RNF180: variants seen among roughly 807,000 people sequenced by gnomAD.
The protein encoded by RNF180 is E3 ubiquitin-protein ligase RNF180.
Under a neutral mutation model 59.2 loss-of-function variants are expected in RNF180, and 38 were observed. That is an observed-to-expected ratio of 0.64 (90% CI 0.50 to 0.84). The LOEUF (loss-of-function observed/expected upper bound fraction) is 0.84, where lower values mean the gene tolerates loss of function less well. Among genes scored for constraint, RNF180 ranks in the 40% least tolerant of loss-of-function variants. The probability of loss-of-function intolerance (pLI) is 0.00; values close to 1 mark genes in which losing one functional copy is unlikely to be tolerated. For missense variants in RNF180, 705 were observed against 700.9 expected, an observed-to-expected ratio of 1.01 and a Z score of -0.07; for synonymous variants, 262 against 240.3, an observed-to-expected ratio of 1.09 and a Z score of -0.84.
At chr5:64,249,662 GC>G (rs1159496037) in intron 5 of RNF180, among the ~76,000 whole-genome samples, 1 of 152,102 alleles carries the variant, frequency 6.6e-6, no homozygotes, top group Non-Finnish European at 1.5e-5. Flanking sequence ...CCAAAAGTGA[GC>G]AGGAGTAGCT....
chr5:64,188,203 G>A (rs191691675), intron 1 of RNF180, among the ~76,000 whole-genome samples: 168 of 152,162 alleles, frequency 1.1e-3, no homozygotes, highest in African/African-American at 4.0e-3. Flanking sequence ...AGCAGTTGTG[G>A]GTTACTGTTG....
chr5:64,187,186 C>T (rs1320648750), intron 1 of RNF180, among the ~76,000 whole-genome samples: 1 of 152,064 alleles, frequency 6.6e-6, no homozygotes, highest in Non-Finnish European at 1.5e-5. Context: ...AGTCAGTTTA[C>T]AAGAATAAAG....
intron 1 of RNF180, among the ~76,000 whole-genome samples, chr5:64,175,505 A>G (rs1332851449): frequency 6.6e-6 from 1 of 152,074 alleles, no homozygotes; most frequent in Non-Finnish European, 1.5e-5. Context: ...GTACCATACC[A>G]TTTTGATTAC....
chr5:64,193,972 G>A (rs1274399849), intron 1 of RNF180, among the ~76,000 whole-genome samples: 1 of 152,074 alleles, frequency 6.6e-6, no homozygotes, highest in African/African-American at 2.4e-5. Context: ...AGGAAAAGAG[G>A]GAAAGGAAGA....
chr5:64,185,117 C>G (rs1750806746), intron 1 of RNF180, among the ~76,000 whole-genome samples: 1 of 152,194 alleles, frequency 6.6e-6, no homozygotes, highest in Non-Finnish European at 1.5e-5. Context: ...TCCTCATAGA[C>G]TCTACATCCA....
intron 1 of RNF180, among the ~76,000 whole-genome samples, chr5:64,172,196 A>T (rs897576870): frequency 6.6e-6 from 1 of 152,210 alleles, no homozygotes; most frequent in Non-Finnish European, 1.5e-5. Flanking sequence ...GTTAGCGTAA[A>T]TGCTGACAGA....
At chr5:64,354,600 G>C (rs1356896332) in intron 7 of RNF180, among the ~76,000 whole-genome samples, 2 of 151,658 alleles carry the variant, frequency 1.3e-5, no homozygotes, top group Non-Finnish European at 2.9e-5. Context: ...CATTCTATGA[G>C]GACAACACTA....
intron 4 of RNF180, among the ~76,000 whole-genome samples, chr5:64,215,136 A>G (rs1752549202): frequency 6.6e-6 from 1 of 152,184 alleles, no homozygotes; most frequent in Admixed American, 6.5e-5. Flanking sequence ...GCTCCAGAGT[A>G]GGATGTGCGA....
At chr5:64,304,064 G>A (rs1025727598) in intron 5 of RNF180, among the ~76,000 whole-genome samples, 1 of 151,544 alleles carries the variant, frequency 6.6e-6, no homozygotes, top group African/African-American at 2.4e-5. Context: ...AACAAAGTCT[G>A]GATGACAGCA....
rs1335286627 is a variant in RNF180, at chr5:64,188,622, T to C, written c.1-12186T>C. ...TTTTAAGAAAGATATTGATAATTGC[T>C]AAGGGAGCTCTAAGTTCTTTGGTCA... On this transcript the variant is annotated intron_variant, in intron 1 of 7. Coordinates refer to ENST00000389100, the MANE Select transcript of RNF180 (RefSeq NM_001113561.2). Among the ~76,000 whole-genome samples, 13 of 152,354 alleles carry C rather than the reference T, an allele frequency of 8.5e-5. No homozygotes were observed. In the East Asian group the frequency reaches 2.3e-3, roughly 27 times the overall value.
At chr5:64,173,525 G>A (rs550090388) in intron 1 of RNF180, among the ~76,000 whole-genome samples, 10 of 152,002 alleles carry the variant, frequency 6.6e-5, no homozygotes, top group East Asian at 3.9e-4. Context: ...ATATAGTGTC[G>A]TTAACTATAG....
At chr5:64,269,641 A>T (rs556050718) in intron 5 of RNF180, among the ~76,000 whole-genome samples, 3 of 152,280 alleles carry the variant, frequency 2.0e-5, no homozygotes, top group Admixed American at 1.3e-4. Context: ...GCCACATTTA[A>T]GCTAAGCTGT....
At chr5:64,323,981 G>T (rs1402489017) in intron 5 of RNF180, among the ~76,000 whole-genome samples, 2 of 152,152 alleles carry the variant, frequency 1.3e-5, no homozygotes, top group African/African-American at 4.8e-5. Context: ...GGTAATTGCA[G>T]TTTAGTAGCA....
chr5:64,206,571 C>T (rs933039698), intron 2 of RNF180, among the ~76,000 whole-genome samples: 1 of 152,156 alleles, frequency 6.6e-6, no homozygotes, highest in Non-Finnish European at 1.5e-5. Context: ...TTTGTGTTCG[C>T]TCTTCTTAGT....
At chr5:64,175,113 A>G (rs1750160784) in intron 1 of RNF180, among the ~76,000 whole-genome samples, 1 of 151,890 alleles carries the variant, frequency 6.6e-6, no homozygotes, top group Non-Finnish European at 1.5e-5. Context: ...GATTACAGGC[A>G]TGTGCCACCA....
intron 5 of RNF180, among the ~76,000 whole-genome samples, chr5:64,300,541 T>C (rs1743107972): frequency 6.6e-6 from 1 of 151,836 alleles, no homozygotes; most frequent in Admixed American, 6.6e-5. Flanking sequence ...AGCATCTGTA[T>C]GGAATTTGGT....
chr5:64,331,764 G>A (rs971009111), intron 7 of RNF180, among the ~76,000 whole-genome samples: 2 of 152,090 alleles, frequency 1.3e-5, no homozygotes, highest in African/African-American at 4.8e-5. Context: ...CCCCATGCTC[G>A]CCACATTGAC....
At chr5:64,308,176 A>G (rs1420280557) in intron 5 of RNF180, among the ~76,000 whole-genome samples, 2 of 151,790 alleles carry the variant, frequency 1.3e-5, no homozygotes, top group Non-Finnish European at 2.9e-5. Context: ...AGAGCTTTGA[A>G]TAACTGATTC....
chr5:64,346,020 T>G (rs530840602), intron 7 of RNF180, among the ~76,000 whole-genome samples: 6 of 152,258 alleles, frequency 3.9e-5, no homozygotes, highest in African/African-American at 1.4e-4. Flanking sequence ...TTTGAATTTC[T>G]CAGATTAATT....
Sources: allele counts gnomAD v4.1 joint callset (sites outside exome capture counted in the v4.1 genomes callset), GRCh38; gene constraint gnomAD v4.1.1; transcripts MANE v1.5; gene names NCBI Gene and HGNC (gene_info 2026-07-23, HGNC 2026-07-21).